The following TPRG1 variants were observed in gnomAD, a reference collection of about 807,000 sequenced individuals.
TPRG1 encodes tumor protein p63-regulated gene 1 protein.
A neutral mutation model predicts 29.3 loss-of-function variants in TPRG1; 29 were observed. The observed-to-expected ratio is 0.99, with a 90% CI of 0.74 to 1.35. The LOEUF (loss-of-function observed/expected upper bound fraction) is 1.35, where lower values mean the gene tolerates loss of function less well. TPRG1 is among the 40% of genes most tolerant of loss of function. TPRG1 has a pLI of 0.00. For missense variants in TPRG1, 327 were observed against 335.0 expected (o/e 0.98, Z 0.19); for synonymous variants, 130 against 116.8 (o/e 1.11, Z -0.73).
intron 4 of TPRG1, among the ~76,000 whole-genome samples, chr3:189,290,187 A>G (rs1468366559): frequency 6.6e-6 from 1 of 152,176 alleles, no homozygotes; most frequent in African/African-American, 2.4e-5. Context: ...GTCCTAATCT[A>G]CTTTTCTATT....
intron 3 of TPRG1, among the ~76,000 whole-genome samples, chr3:189,136,596 A>G (rs1332095934): frequency 2.0e-5 from 3 of 152,216 alleles, no homozygotes; most frequent in African/African-American, 7.2e-5. Flanking sequence ...GACAACAAAG[A>G]TAAGTTTACT....
intron 1 of TPRG1, among the ~76,000 whole-genome samples, chr3:189,187,328 A>T (rs1357562010): frequency 8.6e-5 from 13 of 150,572 alleles, no homozygotes. Flanking sequence ...TTTTTTTGAG[A>T]TGGAGTCTCA....
At chr3:189,086,969 G>C (rs1222468194) in intron 4 of TPRG1, among the ~76,000 whole-genome samples, 1 of 152,150 alleles carries the variant, frequency 6.6e-6, no homozygotes, top group Non-Finnish European at 1.5e-5. Context: ...ATAAACATAC[G>C]TGTGCATGTG....
intron 1 of TPRG1, among the ~76,000 whole-genome samples, chr3:189,123,254 C>G (rs769539329): frequency 6.6e-6 from 1 of 152,140 alleles, no homozygotes; most frequent in Non-Finnish European, 1.5e-5. Context: ...TTTATGTGCT[C>G]AAGAGAATAT....
intron 4 of TPRG1, among the ~76,000 whole-genome samples, chr3:189,248,038 C>G (rs1418939020): frequency 6.6e-6 from 1 of 151,430 alleles, no homozygotes; most frequent in African/African-American, 2.4e-5. Flanking sequence ...ACTACTTTCT[C>G]TTTATTCTCT....
rs572932149 is a variant in TPRG1 at position 189,118,773 on chromosome 3, T to G, written c.-743-8284T>G. On this transcript the variant is annotated intron_variant, in intron 1 of 6. Coordinates refer to the TPRG1 transcript ENST00000412373. The stretch of plus-strand genomic sequence containing the variant: ...TACACAGAAGTCAAGAACTGAGGTT[T>G]GGAAACCTCTGTCTAGACTTCAGAG... Among the ~76,000 whole-genome samples the G allele has an allele frequency of 2.6e-5, 4 of 152,312 alleles. No homozygotes were observed. In the East Asian group the frequency reaches 7.7e-4, roughly 29 times the overall value.
intron 3 of TPRG1, among the ~76,000 whole-genome samples, chr3:189,237,043 C>T (rs1272886565): frequency 1.3e-5 from 2 of 152,168 alleles, no homozygotes; most frequent in African/African-American, 4.8e-5. Flanking sequence ...CTTCATTTCA[C>T]AGACGTGGAA....
chr3:189,268,940 T>G (rs1457769409), intron 4 of TPRG1, among the ~76,000 whole-genome samples: 3 of 152,212 alleles, frequency 2.0e-5, no homozygotes, highest in Admixed American at 6.5e-5. Flanking sequence ...TTTCAAGCCT[T>G]GTCAATTTAG....
chr3:189,255,414 A>G (rs536300403), intron 4 of TPRG1, among the ~76,000 whole-genome samples: 1 of 152,210 alleles, frequency 6.6e-6, no homozygotes, highest in South Asian at 2.1e-4. Flanking sequence ...GTGCTGCTTG[A>G]TTTGGTTTGC....
chr3:189,134,716 T>C (rs1335438523), intron 3 of TPRG1, among the ~76,000 whole-genome samples: 5 of 152,138 alleles, frequency 3.3e-5, no homozygotes, highest in Non-Finnish European at 7.4e-5. Flanking sequence ...TGCATCTGGA[T>C]GGTATAATTA....
At chr3:189,207,295 A>T in intron 1 of TPRG1, 81 bp from the exon 2 acceptor site, 1 of 1,532,520 alleles carries the variant, frequency 6.5e-7, no homozygotes, top group Non-Finnish European at 8.9e-7. Flanking sequence ...CCGTTTGCTC[A>T]TCATATTCTG....
At chr3:189,254,076 T>C (rs937020490) in intron 4 of TPRG1, among the ~76,000 whole-genome samples, 1 of 152,228 alleles carries the variant, frequency 6.6e-6, no homozygotes, top group Non-Finnish European at 1.5e-5. Context: ...TTTGGTGTTT[T>C]AGTCATGAAG....
intron 3 of TPRG1, among the ~76,000 whole-genome samples, chr3:189,133,564 C>G (rs555720690): frequency 6.6e-6 from 1 of 152,306 alleles, no homozygotes; most frequent in South Asian, 2.1e-4. Context: ...ACACTTCTCT[C>G]TCCTGCCACC....
intron 4 of TPRG1, among the ~76,000 whole-genome samples, chr3:189,286,887 G>A (rs1365106667): frequency 6.6e-6 from 1 of 152,066 alleles, no homozygotes; most frequent in African/African-American, 2.4e-5. Context: ...GGTGATGGGA[G>A]GCACTCCTGT....
At chr3:189,150,279 T>C (rs1365672475) in intron 4 of TPRG1, among the ~76,000 whole-genome samples, 1 of 152,126 alleles carries the variant, frequency 6.6e-6, no homozygotes, top group African/African-American at 2.4e-5. Context: ...ACCTCCTGGG[T>C]TCAAGCAATT....
At chr3:189,146,468 A>T (rs1725277627) in intron 3 of TPRG1, among the ~76,000 whole-genome samples, 1 of 152,202 alleles carries the variant, frequency 6.6e-6, no homozygotes, top group Non-Finnish European at 1.5e-5. Context: ...CAAAAAAACA[A>T]ATGTTGTTGG....
At chr3:189,193,241 G>T (rs1022340589) in intron 1 of TPRG1, among the ~76,000 whole-genome samples, 3 of 146,504 alleles carry the variant, frequency 2.0e-5, no homozygotes, top group Admixed American at 7.0e-5. Context: ...GCTCAAGCAA[G>T]TCTTCCACCT....
At chr3:189,066,571 A>T (rs1716461742) in intron 4 of TPRG1, among the ~76,000 whole-genome samples, 1 of 152,066 alleles carries the variant, frequency 6.6e-6, no homozygotes, top group South Asian at 2.1e-4. Context: ...ACAACATATG[A>T]CCATTTCAAT....
exon 3 of TPRG1, chr3:189,132,403 C>T (rs998459937): frequency 7.2e-5 from 11 of 152,086 alleles, no homozygotes; most frequent in African/African-American, 2.7e-4. Flanking sequence ...ATACAGGTTC[C>T]GTTTGTCAAA....
Sources: gnomAD v4.1 joint callset for allele counts (sites outside exome capture counted in the v4.1 genomes callset) on GRCh38, gnomAD v4.1.1 for gene constraint, MANE v1.5 for transcripts, NCBI Gene and HGNC (gene_info 2026-07-23, HGNC 2026-07-21) for gene names.